TBCD: variants seen among roughly 807,000 people sequenced by gnomAD.
The protein encoded by TBCD is tubulin folding cofactor D, also known as tubulin-specific chaperone D.
Under a neutral mutation model 169.3 loss-of-function variants are expected in TBCD, and 105 were observed. That is an observed-to-expected ratio of 0.62 (90% confidence interval 0.53 to 0.73). The LOEUF (loss-of-function observed/expected upper bound fraction) is 0.73, where lower values mean the gene tolerates loss of function less well. Ranked by LOEUF, TBCD falls within the 30% of genes least tolerant of loss-of-function variation. The pLI, the probability that TBCD is intolerant of heterozygous loss-of-function variation, is 0.00. For missense variants in TBCD, 1,444 were observed against 1,600.1 expected (o/e 0.90, Z 1.66); for synonymous variants, 700 against 643.9 (o/e 1.09, Z -1.32).
In TBCD at chr17:82,937,296, G is replaced by C; in HGVS notation, c.3217G>C (p.Ala1073Pro). The C allele has an allele frequency of 6.2e-7, 1 of 1,614,034 alleles. No individual in the cohort carries two copies. Among genetic ancestry groups the C allele is most frequent in the Non-Finnish European group, 8.5e-7 (1 of 1,179,884 alleles). ...CCACCCCTTTGCTGTGAAGTTGCTT[G>C]CGCTCTGTAAGAAAGAAATCAAGAA... is the stretch of plus-strand genomic sequence containing the variant. ...EDHPFAVKLL[A>P]LCKKEIKNSK... The change falls in exon 35 of 39, where the codon GCG becomes CCG. Residue 1073 changes from alanine to proline, a missense_variant. Coordinates refer to ENST00000355528, the MANE Select transcript of TBCD (RefSeq NM_005993.5).
chr17:82,920,458 TG>T lies in TBCD; in HGVS notation c.2039-96del. On this transcript the variant is annotated intron_variant, in intron 23 of 38. Transcript: ENST00000355528. The surrounding 1 kb of genome is among the most constrained non-coding windows in gnomAD (Gnocchi z 4.1). ...GGTTGGGCGGGTGAGGGGCAGGAGC[TG>T]GCCGCACACAACTCAGAATGTGGCA... 1 of 1,042,838 alleles carries T rather than the reference TG, an allele frequency of 9.6e-7. No homozygotes were observed. Among genetic ancestry groups the T allele is most frequent in the Non-Finnish European group, 1.4e-6 (1 of 712,256 alleles). The allele number at this position is 1,042,838 out of a possible 1,614,324, so 64.6% of individuals were successfully genotyped here.
At chr17:82,860,559 A>C in intron 13 of TBCD, 1 of 601,324 alleles carries the variant, frequency 1.7e-6, no homozygotes, top group Non-Finnish European at 2.1e-6. Context: ...TAGAACAGGA[A>C]CCTGAGGAGG....
intron 14 of TBCD, among the ~76,000 whole-genome samples, chr17:82,875,840 C>T (rs1011381596): frequency 2.1e-4 from 32 of 152,184 alleles, no homozygotes; most frequent in Non-Finnish European, 3.4e-4. Flanking sequence ...CCTGCCTCCA[C>T]GTCAGCTCAG....
In TBCD at chr17:82,831,072, G is replaced by A; in HGVS notation, c.1318+16138G>A. 6.2e-7 allele frequency: 1 copy of A among 1,614,208 alleles called. No homozygotes were observed. Among genetic ancestry groups the A allele is most frequent in the Non-Finnish European group, 8.5e-7 (1 of 1,180,048 alleles). On this transcript the variant is annotated intron_variant, in intron 13 of 38. Coordinates refer to ENST00000355528, the MANE Select transcript of TBCD (RefSeq NM_005993.5). This position sits in a 1 kb window ranked among gnomAD's most constrained non-coding sequence, Gnocchi z 4.6. Reference sequence around the variant, plus strand: ...CAGCCTGGGCAGGTAGGCATTCTGTGCTTTTCTTAACAGGCCTGAAGGCTG... The same window carrying A: ...CAGCCTGGGCAGGTAGGCATTCTGTACTTTTCTTAACAGGCCTGAAGGCTG...
chr17:82,834,881 A>T (rs1183303575), intron 13 of TBCD, among the ~76,000 whole-genome samples: 2 of 138,242 alleles, frequency 1.4e-5, no homozygotes, highest in Non-Finnish European at 3.0e-5. Flanking sequence ...AAAGTATAAT[A>T]AAAAAAAAAT....
At chr17:82,795,859 G>C (rs1325479413) in intron 7 of TBCD, 2 of 152,702 alleles carry the variant, frequency 1.3e-5, no homozygotes, top group Non-Finnish European at 2.9e-5. Flanking sequence ...CGGCTTCCCG[G>C]AGGGAGTGTC....
chr17:82,870,143 C>T (rs2057454141), intron 13 of TBCD, 81 bp from the exon 14 acceptor site: 1 of 1,587,852 alleles, frequency 6.3e-7, no homozygotes, highest in Admixed American at 1.7e-5. Context: ...CGCGCTCCGG[C>T]CCTGAGCCCC....
rs529243891 is a variant in TBCD, at chr17:82,880,807, G to A, written c.1476-3338G>A. ...GTCGGAGCATAGCAGTGGCCCGTAC[G>A]TGAGGGACTTTGTTGTTGCCGTCTC... On this transcript the variant is annotated intron_variant, in intron 14 of 38. Coordinates refer to ENST00000355528, the MANE Select transcript of TBCD (RefSeq NM_005993.5). This position sits in a 1 kb window ranked among gnomAD's most constrained non-coding sequence, Gnocchi z 5.0. 9.8e-5 allele frequency among the ~76,000 whole-genome samples: 15 copies of A among 152,350 alleles called. No homozygotes were observed. Among genetic ancestry groups the A allele is most frequent in the African/African-American group, 3.1e-4 (13 of 41,582 alleles).
chr17:82,884,216 T>C lies in TBCD; in HGVS notation c.1533+14T>C. On this transcript the variant is annotated intron_variant, in intron 15 of 38. Transcript: ENST00000355528. The surrounding 1 kb of genome is among the most constrained non-coding windows in gnomAD (Gnocchi z 4.2). ...AGAGCAGCCTCTGTAAGTTTTCTCA[T>C]TTTGATATTTCCTTTCCTGAAGGTG... 6.3e-7 allele frequency: 1 copy of C among 1,596,154 alleles called. No homozygotes were observed. The highest frequency in any genetic ancestry group is 1.7e-4 in the Middle Eastern group (1 of 6,030).
At chr17:82,925,158 T>G in intron 27 of TBCD, 101 bp downstream of exon 27, 1 of 921,416 alleles carries the variant, frequency 1.1e-6, no homozygotes, top group Non-Finnish European at 1.6e-6. Flanking sequence ...AACCCATCAG[T>G]GCTTGTAGCT....
At chr17:82,856,740 GCGGACCC>G (rs1248324471) in intron 13 of TBCD, among the ~76,000 whole-genome samples, 4 of 148,932 alleles carry the variant, frequency 2.7e-5, no homozygotes, top group Non-Finnish European at 5.9e-5. Flanking sequence ...TGGACCGCGT[GCGGACCC>G]TCGCTGCGCA....
At chr17:82,931,029 T>C (rs3785514) in intron 33 of TBCD, among the ~76,000 whole-genome samples, 115,881 of 152,222 alleles carry the variant, frequency 0.76, 44,603 homozygotes, top group African/African-American at 0.88. Context: ...GAGAGCTCTG[T>C]GTTCCTGAGG....
intron 13 of TBCD, among the ~76,000 whole-genome samples, chr17:82,851,667 CAA>C (rs1209852001): frequency 3.9e-5 from 6 of 152,066 alleles, no homozygotes; most frequent in African/African-American, 7.2e-5. Context: ...AGGTGGAAGA[CAA>C]AGATGAGAGA....
intron 13 of TBCD, among the ~76,000 whole-genome samples, chr17:82,855,872 A>G (rs1317240726): frequency 6.6e-6 from 1 of 152,030 alleles, no homozygotes; most frequent in Non-Finnish European, 1.5e-5. Flanking sequence ...AATTTTATAC[A>G]CATGGAGTCT....
intron 14 of TBCD, among the ~76,000 whole-genome samples, chr17:82,877,368 C>T (rs959707265): frequency 2.0e-5 from 3 of 151,622 alleles, no homozygotes; most frequent in Admixed American, 6.6e-5. Flanking sequence ...TTTCTTGAGA[C>T]GGAGTCTTCC....
Position 82,870,312 on chromosome 17 carries a change from C to T in TBCD, c.1407C>T (p.Tyr469=), listed in dbSNP as rs765304564. Residue 469 remains tyrosine (Y), a synonymous_variant, in exon 14 of 39, where the codon TAC becomes TAT. Transcript: ENST00000355528. ...CCAACGTCAGGGACGCCGCCTGCTA[C>T]GTGTGCTGGGCCTTCGCGCGTGCCT... is the stretch of plus-strand genomic sequence containing the variant. The part of the protein sequence containing the change: ...VGTNVRDAAC[Y]VCWAFARAYE... 23 of 1,613,484 alleles carry T rather than the reference C, an allele frequency of 1.4e-5. No homozygotes were observed. The highest frequency in any genetic ancestry group is 8.9e-5 in the East Asian group (4 of 44,896).
intron 13 of TBCD, among the ~76,000 whole-genome samples, chr17:82,824,337 A>G (rs6502133): frequency 0.35 from 53,083 of 151,486 alleles, 9,786 homozygotes; most frequent in Middle Eastern, 0.45. Context: ...GCCCGCCACC[A>G]TGCCCGGCTA....
In TBCD at chr17:82,850,040, TG is replaced by T. The variant is rs1352388824; in HGVS notation, c.1319-20182del. On this transcript the variant is annotated intron_variant, in intron 13 of 38. Coordinates refer to ENST00000355528, the MANE Select transcript of TBCD (RefSeq NM_005993.5). ...GTGCTGTTGTTGGCTGTGCTGTTGTTGGCTGTGCTGTTGTTGGCTGTGCTGC... is the reference window on the plus strand; with the variant it reads ...GTGCTGTTGTTGGCTGTGCTGTTGTTGCTGTGCTGTTGTTGGCTGTGCTGC... 3.9e-3 allele frequency among the ~76,000 whole-genome samples: 379 copies of T among 97,464 alleles called. 14 individuals are homozygous for T. The highest frequency in any genetic ancestry group is 4.4e-3 in the Non-Finnish European group (205 of 46,386). 63.9% of individuals were successfully genotyped at this position (97,464 alleles called of 152,430 possible).
Position 82,889,557 on chromosome 17 carries a change from T to TAAAA in TBCD, c.1534-108_1534-105dup. 7.4e-7 allele frequency: 1 copy of TAAAA among 1,346,706 alleles called. No individual in the cohort carries two copies. 83.4% of individuals were successfully genotyped at this position (1,346,706 alleles called of 1,614,324 possible). A position where few individuals can be genotyped will look rare whatever the true frequency, so the allele number is the denominator to read the frequency against. On this transcript the variant is annotated intron_variant, in intron 15 of 38. Transcript: ENST00000355528. This position sits in a 1 kb window ranked among gnomAD's most constrained non-coding sequence, Gnocchi z 5.3. ...TCAGCCAACAATGAGGGCTTTTATTTAAAAAATAAAGCCGTGGGTCATTCA... is the reference window on the plus strand; with the variant it reads ...TCAGCCAACAATGAGGGCTTTTATTTAAAAAAAAAATAAAGCCGTGGGTCATTCA...
Sources: allele counts gnomAD v4.1 joint callset (sites outside exome capture counted in the v4.1 genomes callset), GRCh38; gene constraint gnomAD v4.1.1; non-coding constraint Gnocchi (gnomAD v3.1); transcripts MANE v1.5; gene names NCBI Gene and HGNC (gene_info 2026-07-23, HGNC 2026-07-21).